Variants in XIAP observed in about 807,000 individuals in gnomAD.
XIAP encodes the protein X-linked inhibitor of apoptosis, also known as E3 ubiquitin-protein ligase XIAP.
In XIAP, 3 loss-of-function variants were observed where a neutral mutation model predicts 33.1. That is an observed-to-expected ratio of 0.09 (90% CI 0.04 to 0.23). XIAP has a LOEUF of 0.23. XIAP is among the 10% of genes least tolerant of loss of function. The pLI is 1.00. For synonymous variants in XIAP, 98 were observed against 121.3 expected (o/e 0.81, Z 1.26); for missense variants, 264 against 363.0 (o/e 0.73, Z 2.22).
At position 123,912,665 on chromosome X, in the gene XIAP, C is replaced by T; in HGVS notation, c.*5484C>T. 3.2e-6 allele frequency: 1 copy of T among 312,699 alleles called. No homozygotes were observed. The highest frequency in any genetic ancestry group is 6.0e-6 in the Non-Finnish European group (1 of 165,681). The allele number at this position is 312,699 out of a possible 1,213,427, so 25.8% of individuals were successfully genotyped here. Reference sequence around the variant, plus strand: ...AAATAAAGTATGTGATGAAGATGTGCATACATTATATGCAAATACTGTTTT... The same window carrying T: ...AAATAAAGTATGTGATGAAGATGTGTATACATTATATGCAAATACTGTTTT... On this transcript the variant is annotated 3_prime_UTR_variant, in exon 7 of 7. Coordinates refer to ENST00000371199, the MANE Select transcript of XIAP (RefSeq NM_001167.4).
intron 1 of XIAP, among the ~76,000 whole-genome samples, chrX:123,868,432 C>G (rs2053164121): frequency 9.0e-6 from 1 of 110,616 alleles, no homozygotes; most frequent in African/African-American, 3.3e-5. Context: ...GAAAAAAATT[C>G]CACATAACAA....
At chrX:123,868,794 G>A (rs2053166749) in intron 1 of XIAP, among the ~76,000 whole-genome samples, 1 of 111,999 alleles carries the variant, frequency 8.9e-6, no homozygotes, top group South Asian at 3.7e-4. Context: ...TGCTCTGTAT[G>A]TGGTTAATAA....
intron 1 of XIAP, among the ~76,000 whole-genome samples, chrX:123,882,742 C>T (rs1187550943): frequency 8.9e-6 from 1 of 112,353 alleles, no homozygotes; most frequent in Non-Finnish European, 1.9e-5. Context: ...GTGATTTCTT[C>T]TTAAACTAAG....
chrX:123,908,169 AAGGC>A lies in XIAP; in HGVS notation c.*992_*995del. ...TCAGCTTTAGTTTTTCTAATCCAAG[AAGGC>A]AGGGCAGTTAACCTTTTTGGTGCCA... On this transcript the variant is annotated 3_prime_UTR_variant, in exon 7 of 7. Transcript: ENST00000371199. 1 of 364,598 alleles carries A rather than the reference AAGGC, an allele frequency of 2.7e-6. No homozygotes were observed. Among genetic ancestry groups the A allele is most frequent in the Non-Finnish European group, 5.2e-6 (1 of 190,966 alleles). 30.0% of individuals were successfully genotyped at this position (364,598 alleles called of 1,213,427 possible). A position where few individuals can be genotyped will look rare whatever the true frequency, so the allele number is the denominator to read the frequency against.
At position 123,913,619 on chromosome X, in the gene XIAP, A is replaced by G. The variant is rs1187307280; in HGVS notation, c.*6438A>G. The G allele has an allele frequency of 3.4e-5, 11 of 321,054 alleles. No homozygotes were observed. The highest frequency in any genetic ancestry group is 6.6e-5 in the Non-Finnish European group (11 of 167,822). The allele number at this position is 321,054 out of a possible 1,213,427, so 26.5% of individuals were successfully genotyped here. On this transcript the variant is annotated 3_prime_UTR_variant, in exon 7 of 7. Coordinates refer to ENST00000371199, the MANE Select transcript of XIAP (RefSeq NM_001167.4). The stretch of plus-strand genomic sequence containing the variant: ...CTGTATCATTAATGTAATATTTTAA[A>G]TTACTATATATGTTACCATTTTTCT...
chrX:123,910,468 G>A lies in XIAP; in HGVS notation c.*3287G>A, dbSNP rs746285732. 2.4e-5 allele frequency: 8 copies of A among 327,707 alleles called. No individual in the cohort carries two copies. The highest frequency in any genetic ancestry group is 9.7e-5 in the East Asian group (1 of 10,266). 27.0% of individuals were successfully genotyped at this position (327,707 alleles called of 1,213,427 possible). On this transcript the variant is annotated 3_prime_UTR_variant, in exon 7 of 7. Transcript: ENST00000371199. ...TTCACATGATATACCCTTTAAACCC[G>A]AATCATTGTTTTATTTCCTGATTAC...
chrX:123,885,889 G>C lies in XIAP; in HGVS notation c.227G>C (p.Gly76Ala), dbSNP rs1481750191. The part of the protein sequence containing the change: ...CHAAVDRWQY[G>A]DSAVGRHRKV... ...GCAGCTGTAGATAGATGGCAATATGGAGACTCAGCAGTTGGAAGACACAGG... is the reference window on the plus strand; with the variant it reads ...GCAGCTGTAGATAGATGGCAATATGCAGACTCAGCAGTTGGAAGACACAGG... The change falls in exon 2 of 7, where the codon GGA becomes GCA. Residue 76 changes from glycine to alanine, a missense_variant. Transcript: ENST00000371199. The C allele has an allele frequency of 3.3e-6, 4 of 1,210,255 alleles. No individual in the cohort carries two copies. Among genetic ancestry groups the C allele is most frequent in the Admixed American group, 4.4e-5 (2 of 45,621 alleles).
rs948601144 is a variant in XIAP at position 123,912,806 on chromosome X, C to T, written c.*5625C>T. 2.0e-4 allele frequency: 63 copies of T among 318,989 alleles called. No homozygotes were observed. The highest frequency in any genetic ancestry group is 1.6e-3 in the African/African-American group (58 of 36,935). The allele number at this position is 318,989 out of a possible 1,213,427, so 26.3% of individuals were successfully genotyped here. ...CAGCTGGGACTACAGGCATGCTCCA[C>T]GGTGCCCAGTTAATTTTTTTTGTAT... On this transcript the variant is annotated 3_prime_UTR_variant, in exon 7 of 7. Coordinates refer to ENST00000371199, the MANE Select transcript of XIAP (RefSeq NM_001167.4).
intron 2 of XIAP, among the ~76,000 whole-genome samples, chrX:123,887,068 T>C (rs1475323602): frequency 8.9e-6 from 1 of 111,892 alleles, no homozygotes; most frequent in African/African-American, 3.2e-5. Flanking sequence ...TACAGGCATG[T>C]GCCACCACGC....
In XIAP at chrX:123,909,324, C is replaced by T. The variant is rs1200843563; in HGVS notation, c.*2143C>T. 3.0e-6 allele frequency: 1 copy of T among 329,322 alleles called. No individual in the cohort carries two copies. The highest frequency in any genetic ancestry group is 5.9e-6 in the Non-Finnish European group (1 of 169,983). 27.1% of individuals were successfully genotyped at this position (329,322 alleles called of 1,213,427 possible). A position where few individuals can be genotyped will look rare whatever the true frequency, so the allele number is the denominator to read the frequency against. ...GGGATTACAGGCTTGAGCCACCACGCCCGGCTAAAACATTGCAAATTTAAA... is the reference window on the plus strand; with the variant it reads ...GGGATTACAGGCTTGAGCCACCACGTCCGGCTAAAACATTGCAAATTTAAA... On this transcript the variant is annotated 3_prime_UTR_variant, in exon 7 of 7. Transcript: ENST00000371199.
At chrX:123,862,653 G>T (rs976736877) in intron 1 of XIAP, among the ~76,000 whole-genome samples, 1 of 108,933 alleles carries the variant, frequency 9.2e-6, no homozygotes, top group African/African-American at 3.3e-5. Context: ...CTGAGGTCAG[G>T]AGTTGGAGTC....
At chrX:123,862,818 G>A (rs1431598018) in intron 1 of XIAP, among the ~76,000 whole-genome samples, 1 of 108,697 alleles carries the variant, frequency 9.2e-6, no homozygotes, top group Non-Finnish European at 1.9e-5. Flanking sequence ...TTGCACCACT[G>A]TACTCCAGCC....
chrX:123,911,092 C>T lies in XIAP; in HGVS notation c.*3911C>T, dbSNP rs1243065659. ...CCCTTTTACCTCTCTGTGGGTTTGT[C>T]TTGACCTGGAAATTTGGGCTAAAAC... On this transcript the variant is annotated 3_prime_UTR_variant, in exon 7 of 7. Coordinates refer to ENST00000371199, the MANE Select transcript of XIAP (RefSeq NM_001167.4). 6.1e-6 allele frequency: 2 copies of T among 328,979 alleles called. No homozygotes were observed. Among genetic ancestry groups the T allele is most frequent in the East Asian group, 1.9e-4 (2 of 10,320 alleles). The allele number at this position is 328,979 out of a possible 1,213,427, so 27.1% of individuals were successfully genotyped here. A position where few individuals can be genotyped will look rare whatever the true frequency, so the allele number is the denominator to read the frequency against.
rs1330391166 is a variant in XIAP at position 123,888,764 on chromosome X, C to G, written c.977+46C>G. ...TTGTACAGGCAAGTTGGATAGCATG[C>G]AGTGGGAGACTTGAATTACTTTTTA... On this transcript the variant is annotated intron_variant, in intron 3 of 6. Coordinates refer to ENST00000371199, the MANE Select transcript of XIAP (RefSeq NM_001167.4). 7 of 1,069,677 alleles carry G rather than the reference C, an allele frequency of 6.5e-6. No homozygotes were observed. In the African/African-American group the frequency reaches 1.3e-4, roughly 20 times the overall value. The allele number at this position is 1,069,677 out of a possible 1,213,427, so 88.2% of individuals were successfully genotyped here. A position where few individuals can be genotyped will look rare whatever the true frequency, so the allele number is the denominator to read the frequency against.
chrX:123,878,503 G>A (rs768159800), intron 1 of XIAP: 45 of 111,694 alleles, frequency 4.0e-4, no homozygotes, highest in African/African-American at 1.3e-3. Context: ...ATTCTGGGTC[G>A]TTGGCTCAGA....
intron 4 of XIAP, among the ~76,000 whole-genome samples, chrX:123,892,044 A>G (rs1410114037): frequency 3.6e-5 from 4 of 111,203 alleles, no homozygotes; most frequent in Non-Finnish European, 7.5e-5. Flanking sequence ...TTTGCAGACA[A>G]TATTTAAAAT....
chrX:123,879,592 G>A (rs994160307), intron 1 of XIAP, among the ~76,000 whole-genome samples: 1 of 108,811 alleles, frequency 9.2e-6, no homozygotes, highest in South Asian at 4.1e-4. Flanking sequence ...TAGGATTACA[G>A]GCGTGAGCCA....
At chrX:123,900,358 G>C in intron 5 of XIAP, 135 bp from the exon 6 acceptor site, 2 of 551,625 alleles carry the variant, frequency 3.6e-6, no homozygotes, top group Non-Finnish European at 5.9e-6. Context: ...AAGCAGCTTT[G>C]CTTTGCTGGT....
intron 5 of XIAP, 65 bp from the exon 6 acceptor site, chrX:123,900,428 A>G (rs2053504823): frequency 1.0e-6 from 1 of 971,983 alleles, no homozygotes; most frequent in African/African-American, 1.9e-5. Context: ...TTTGCTATTG[A>G]GTTGTGATAA....
Sources: allele counts gnomAD v4.1 joint callset (sites outside exome capture counted in the v4.1 genomes callset), GRCh38; gene constraint gnomAD v4.1.1; transcripts MANE v1.5; gene names NCBI Gene and HGNC (gene_info 2026-07-23, HGNC 2026-07-21).